Variants in CEP192 observed in about 807,000 individuals in gnomAD.
The protein encoded by CEP192 is centrosomal protein of 192 kDa.
In CEP192, 151 loss-of-function variants were observed where a neutral mutation model predicts 271.8. The observed-to-expected ratio is 0.56, with a 90% confidence interval of 0.49 to 0.64. The LOEUF (loss-of-function observed/expected upper bound fraction) is 0.64. Ranked by LOEUF, CEP192 falls within the 30% of genes least tolerant of loss-of-function variation. CEP192 has a pLI of 0.00. For missense variants in CEP192, 2,910 were observed against 3,020.5 expected (o/e 0.96, Z 0.86); for synonymous variants, 995 against 1,076.5 (o/e 0.92, Z 1.48).
intron 3 of CEP192, among the ~76,000 whole-genome samples, chr18:13,002,231 ATCT>A (rs1445962238): frequency 1.3e-5 from 2 of 152,136 alleles, no homozygotes; most frequent in African/African-American, 2.4e-5. Context: ...ATGCCTTTAA[ATCT>A]TCTTTTTACT....
intron 3 of CEP192, among the ~76,000 whole-genome samples, chr18:13,003,116 A>T (rs2033751669): frequency 6.6e-6 from 1 of 152,192 alleles, no homozygotes; most frequent in Admixed American, 6.5e-5. Context: ...GTTATTAGGT[A>T]GGCTGAAGGC....
intron 17 of CEP192, among the ~76,000 whole-genome samples, chr18:13,050,515 C>T (rs1272495627): frequency 2.6e-5 from 4 of 152,020 alleles, no homozygotes; most frequent in Non-Finnish European, 5.9e-5. Flanking sequence ...TTATGGATGC[C>T]TCAGTTTGAA....
At chr18:13,075,193 C>CCCTTCT (rs2038206248) in intron 30 of CEP192, among the ~76,000 whole-genome samples, 2 of 152,144 alleles carry the variant, frequency 1.3e-5, no homozygotes. Context: ...GGCCTTTTTG[C>CCCTTCT]CCTTCTGCCT....
At chr18:13,080,244 C>T (rs1372280172) in intron 30 of CEP192, among the ~76,000 whole-genome samples, 5 of 152,082 alleles carry the variant, frequency 3.3e-5, no homozygotes, top group African/African-American at 9.7e-5. Context: ...GCCATTTTCA[C>T]GATATTGATT....
At chr18:13,104,518 G>A (rs940795285) in intron 39 of CEP192, among the ~76,000 whole-genome samples, 7 of 152,090 alleles carry the variant, frequency 4.6e-5, no homozygotes, top group Admixed American at 3.9e-4. Context: ...AGGCTGAGGT[G>A]GGAGGATCGC....
In CEP192 at chr18:13,069,196, G is replaced by C; in HGVS notation, c.5055+15G>C. The C allele has an allele frequency of 6.3e-7, 1 of 1,597,330 alleles. No individual in the cohort carries two copies. The highest frequency in any genetic ancestry group is 8.6e-7 in the Non-Finnish European group (1 of 1,164,706). ...TGGATATCAAGGTATGCACTTCCAT[G>C]AGAGTGCCATAAGATAGTCTTTCCT... On this transcript the variant is annotated intron_variant, in intron 26 of 44. Coordinates refer to ENST00000506447, the MANE Select transcript of CEP192 (RefSeq NM_032142.4).
intron 9 of CEP192, among the ~76,000 whole-genome samples, chr18:13,020,181 A>C (rs1046142571): frequency 1.6e-4 from 25 of 152,180 alleles, no homozygotes; most frequent in African/African-American, 5.1e-4. Context: ...GCCAATCTTC[A>C]GGACTCTTCA....
intron 15 of CEP192, among the ~76,000 whole-genome samples, chr18:13,046,034 G>A (rs933884602): frequency 6.6e-6 from 1 of 152,160 alleles, no homozygotes; most frequent in African/African-American, 2.4e-5. Context: ...AGAAATACCT[G>A]AGACTGGGTA....
At chr18:13,095,728 G>A in intron 35 of CEP192, 47 bp downstream of exon 35, 1 of 1,533,124 alleles carries the variant, frequency 6.5e-7, no homozygotes. Flanking sequence ...CCGGCGTCCG[G>A]GCCTGCACTC....
rs1568332925 is a variant in CEP192 at position 13,049,022 on chromosome 18, A to C, written c.2231A>C (p.Lys744Thr). 3 of 1,614,152 alleles carry C rather than the reference A, an allele frequency of 1.9e-6. No homozygotes were observed. The Admixed American group carries it at 5.0e-5, about 27-fold the overall frequency. The change falls in exon 16 of 45, where the codon AAA becomes ACA. Residue 744 changes from lysine to threonine, a missense_variant. Lys to Thr is a moderately conservative substitution (Grantham distance 78). Transcript: ENST00000506447. ...LAAMIKALSNKTRDKTFQEDE... is the reference protein window; with the variant it reads ...LAAMIKALSNTTRDKTFQEDE... ...GCAATGATCAAGGCACTTTCAAATAAAACCAGAGACAAGACTTTTCAGGAA... is the reference window on the plus strand; with the variant it reads ...GCAATGATCAAGGCACTTTCAAATACAACCAGAGACAAGACTTTTCAGGAA...
Position 13,006,158 on chromosome 18 carries a change from T to C in CEP192, c.291-2298T>C, listed in dbSNP as rs1275614440. ...GGTTGTTCTATATCTACTTTTTTTT[T>C]CCTTTTTTTCTGTTTTAGTGCAAAA... On this transcript the variant is annotated intron_variant, in intron 3 of 44. Coordinates refer to ENST00000506447, the MANE Select transcript of CEP192 (RefSeq NM_032142.4). Among the ~76,000 whole-genome samples, 12 of 152,266 alleles carry C rather than the reference T, an allele frequency of 7.9e-5. 1 individual carries two copies. The highest frequency in any genetic ancestry group is 4.1e-4 in the South Asian group (2 of 4,828).
chr18:13,079,446 T>G (rs2038471795), intron 30 of CEP192, among the ~76,000 whole-genome samples: 3 of 152,240 alleles, frequency 2.0e-5, no homozygotes, highest in Non-Finnish European at 4.4e-5. Context: ...TTTTGAGAAG[T>G]GTCTGTTCAT....
chr18:13,080,353 A>C (rs917530380), intron 30 of CEP192, among the ~76,000 whole-genome samples: 1 of 152,168 alleles, frequency 6.6e-6, no homozygotes, highest in African/African-American at 2.4e-5. Flanking sequence ...GTTCCTTCAC[A>C]TCCCTTGTAA....
chr18:13,034,643 TAA>T (rs1248570440), intron 11 of CEP192, among the ~76,000 whole-genome samples: 8 of 137,724 alleles, frequency 5.8e-5, no homozygotes, highest in Non-Finnish European at 3.2e-5. Flanking sequence ...CTGTCTCTAC[TAA>T]AAAAAAAAAA....
At chr18:13,070,905 A>T in intron 27 of CEP192, 134 bp from the exon 28 acceptor site, 1 of 666,240 alleles carries the variant, frequency 1.5e-6, no homozygotes, top group Non-Finnish European at 2.6e-6. Context: ...TCTCTGCAGC[A>T]CAAGCTCTAA....
At chr18:13,039,044 A>T (rs191111574) in intron 13 of CEP192, among the ~76,000 whole-genome samples, 1 of 152,368 alleles carries the variant, frequency 6.6e-6, no homozygotes, top group East Asian at 1.9e-4. Context: ...TAAAAAGACA[A>T]GTTATTCAGA....
At chr18:13,003,027 A>G (rs915481097) in intron 3 of CEP192, among the ~76,000 whole-genome samples, 4 of 152,204 alleles carry the variant, frequency 2.6e-5, no homozygotes, top group Non-Finnish European at 5.9e-5. Context: ...CAGATGTTAA[A>G]CAAGACACTA....
intron 34 of CEP192, among the ~76,000 whole-genome samples, chr18:13,094,748 A>G (rs2039308276): frequency 1.3e-5 from 2 of 152,174 alleles, no homozygotes; most frequent in Admixed American, 1.3e-4. Context: ...ACAAATCCAC[A>G]CACTTCTGTA....
chr18:13,015,274 T>G, intron 5 of CEP192, 54 bp from the exon 6 acceptor site: 1 of 1,519,494 alleles, frequency 6.6e-7, no homozygotes, highest in Non-Finnish European at 8.9e-7. Context: ...CCTTGTACTA[T>G]GCTCTTCAGA....
Sources: gnomAD v4.1 joint callset for allele counts (sites outside exome capture counted in the v4.1 genomes callset) on GRCh38, gnomAD v4.1.1 for gene constraint, MANE v1.5 for transcripts, NCBI Gene and HGNC (gene_info 2026-07-23, HGNC 2026-07-21) for gene names.